JAK1: variants seen among roughly 807,000 people sequenced by gnomAD.
JAK1 encodes the protein tyrosine-protein kinase JAK1.
In JAK1, 16 loss-of-function variants were observed where a neutral mutation model predicts 136.6. The ratio of observed to expected loss-of-function variants is 0.12; its 90% CI spans 0.08 to 0.18. The LOEUF (loss-of-function observed/expected upper bound fraction) is 0.18, where lower values mean the gene tolerates loss of function less well. Ranked by LOEUF, JAK1 falls within the 10% of genes least tolerant of loss-of-function variation. The pLI is 1.00. For missense variants in JAK1, 859 were observed against 1,450.1 expected (o/e 0.59, Z 6.62); for synonymous variants, 492 against 519.5 (o/e 0.95, Z 0.72).
chr1:65,067,518 G>C (rs1648123468), intron 1 of JAK1: 1 of 145,320 alleles, frequency 6.9e-6, no homozygotes, highest in Non-Finnish European at 1.5e-5. Context: ...TCGCGCGGCC[G>C]CACGCCCCAC....
At chr1:65,028,993 G>C (rs1647001053) in intron 2 of JAK1, among the ~76,000 whole-genome samples, 1 of 152,144 alleles carries the variant, frequency 6.6e-6, no homozygotes, top group South Asian at 2.1e-4. Flanking sequence ...TCATTACAAA[G>C]GACAAAGGAA....
At chr1:64,873,758 T>C (rs1657222973) in intron 4 of JAK1, among the ~76,000 whole-genome samples, 1 of 152,172 alleles carries the variant, frequency 6.6e-6, no homozygotes, top group Non-Finnish European at 1.5e-5. Flanking sequence ...TTCCCGAAGA[T>C]CACAAAGACA....
At chr1:65,038,844 G>A (rs1355530060) in intron 2 of JAK1, among the ~76,000 whole-genome samples, 4 of 151,966 alleles carry the variant, frequency 2.6e-5, no homozygotes, top group African/African-American at 9.7e-5. Flanking sequence ...TGCCATGTTG[G>A]CCACGCTGAT....
At chr1:65,032,095 C>T (rs749359107) in intron 2 of JAK1, among the ~76,000 whole-genome samples, 2 of 151,452 alleles carry the variant, frequency 1.3e-5, no homozygotes, top group South Asian at 2.1e-4. Context: ...TTTCCCAAGT[C>T]GCTGGGACTA....
At chr1:64,911,442 A>G (rs1645284425) in intron 1 of JAK1, among the ~76,000 whole-genome samples, 1 of 152,208 alleles carries the variant, frequency 6.6e-6, no homozygotes, top group African/African-American at 2.4e-5. Flanking sequence ...CCTATCACAT[A>G]CATGTCCTCA....
chr1:65,060,170 AG>A (rs1365705189), intron 1 of JAK1, among the ~76,000 whole-genome samples: 1 of 152,198 alleles, frequency 6.6e-6, no homozygotes, highest in Non-Finnish European at 1.5e-5. Context: ...CCATAACCTA[AG>A]GTTCTTGGAA....
intron 1 of JAK1, among the ~76,000 whole-genome samples, chr1:64,909,524 A>C (rs1557682978): frequency 6.6e-6 from 1 of 152,156 alleles, no homozygotes. Flanking sequence ...CAGAGAAAAG[A>C]AAACAGATCT....
chr1:64,988,966 GTA>G (rs1193664929), intron 2 of JAK1, among the ~76,000 whole-genome samples: 4 of 126,346 alleles, frequency 3.2e-5, no homozygotes, highest in Admixed American at 2.7e-4. Flanking sequence ...ATGTATGTAT[GTA>G]TATATATATG....
At chr1:64,846,026 C>A (rs1655207674) in intron 14 of JAK1, among the ~76,000 whole-genome samples, 1 of 152,230 alleles carries the variant, frequency 6.6e-6, no homozygotes, top group Non-Finnish European at 1.5e-5. Flanking sequence ...GCTCACACGG[C>A]AAAACTTCCC....
chr1:64,910,317 G>C (rs1645261499), intron 1 of JAK1, among the ~76,000 whole-genome samples: 1 of 152,040 alleles, frequency 6.6e-6, no homozygotes, highest in South Asian at 2.1e-4. Context: ...CTACGAATTT[G>C]GCTTTGAGTT....
intron 1 of JAK1, among the ~76,000 whole-genome samples, chr1:64,914,159 G>A (rs1003967884): frequency 3.3e-5 from 5 of 152,172 alleles, no homozygotes; most frequent in African/African-American, 9.7e-5. Flanking sequence ...CCAGCAGTTT[G>A]GAAGCAACTG....
At chr1:65,011,367 T>A (rs1199435999) in intron 2 of JAK1, among the ~76,000 whole-genome samples, 1 of 152,114 alleles carries the variant, frequency 6.6e-6, no homozygotes, top group African/African-American at 2.4e-5. Flanking sequence ...TCCCAGCTAC[T>A]TGGGAGGCTG....
At chr1:65,008,476 T>G (rs74677569) in intron 2 of JAK1, among the ~76,000 whole-genome samples, 3,444 of 152,264 alleles carry the variant, frequency 0.023, 122 homozygotes, top group African/African-American at 0.079. Context: ...CTCACTGTGT[T>G]TCTCAGGGTG....
chr1:64,839,876 G>A (rs1654778392), intron 19 of JAK1, 81 bp from the exon 20 acceptor site: 9 of 1,237,864 alleles, frequency 7.3e-6, no homozygotes, highest in Non-Finnish European at 7.8e-6. Flanking sequence ...GCTCCTCACA[G>A]CCGTTCCCCT....
At position 64,839,760 on chromosome 1, in the gene JAK1, G is replaced by T. The variant is rs758343641; in HGVS notation, c.2685C>A (p.Asp895Glu). 2 of 1,613,706 alleles carry T rather than the reference G, an allele frequency of 1.2e-6. No individual in the cohort carries two copies. The highest frequency in any genetic ancestry group is 4.5e-5 in the East Asian group (2 of 44,864). Residue 895 changes from aspartate (D) to glutamate (E), a missense_variant, in exon 20 of 25, where the codon GAC becomes GAA. This residue lies in a region of JAK1 where 409 missense variants were observed against 753.8 expected (regional missense o/e 0.54). Coordinates refer to ENST00000342505, the MANE Select transcript of JAK1 (RefSeq NM_002227.4). ...GCTCCCCTGTATTGTCCCCTTCGGG[G>T]TCATACCTGCAGAGCTCAACCTTCC... Reference protein sequence around the residue: ...HFGKVELCRYDPEGDNTGEQV... With the variant: ...HFGKVELCRYEPEGDNTGEQV...
intron 2 of JAK1, chr1:64,986,069 T>C: frequency 8.5e-7 from 1 of 1,173,300 alleles, no homozygotes; most frequent in Non-Finnish European, 1.2e-6. Context: ...AGATCAGAGA[T>C]GGGGTGACCT....
rs74527490 is a variant in JAK1 at position 65,015,251 on chromosome 1, C to A, written c.-78+29229G>T. Among the ~76,000 whole-genome samples the A allele has an allele frequency of 8.3e-3, 1,261 of 152,128 alleles. 13 individuals carry two copies. The highest frequency in any genetic ancestry group is 0.029 in the African/African-American group (1,195 of 41,498). On this transcript the variant is annotated intron_variant, in intron 2 of 25. Transcript: ENST00000671954. ...AAAATTGTGCATAACACAGCATTAA[C>A]AATGTCATATGAGATGAAAAAGTAA...
chr1:64,913,710 AGGGAGGG>A (rs1372936498), intron 1 of JAK1, among the ~76,000 whole-genome samples: 12 of 12,510 alleles, frequency 9.6e-4, no homozygotes, highest in African/African-American at 1.8e-3. Flanking sequence ...GAAAGAAGGG[AGGGAGGG>A]AGGGAGGGAG....
rs1166595302 is a variant in JAK1 at position 64,869,405 on chromosome 1, TATC to T, written c.550_552del (p.Asp184del). The T allele has an allele frequency of 1.9e-6, 3 of 1,613,894 alleles. No homozygotes were observed. On this transcript the variant is annotated inframe_deletion, in exon 6 of 25. Transcript: ENST00000342505. ...GCCATCCCTAGACACTCGTTCTCAA[TATC>T]ATGTCCATCCTGCTCGGTCTTGGGG... is the stretch of plus-strand genomic sequence containing the variant.
Sources: allele counts gnomAD v4.1 joint callset (sites outside exome capture counted in the v4.1 genomes callset), GRCh38; gene constraint gnomAD v4.1.1; regional missense constraint gnomAD v4.1.1; transcripts MANE v1.5; gene names NCBI Gene and HGNC (gene_info 2026-07-23, HGNC 2026-07-21).